The following ASAP1 variants were observed in gnomAD, a reference collection of about 807,000 sequenced individuals.
The protein encoded by ASAP1 is arf-GAP with SH3 domain, ANK repeat and PH domain-containing protein 1.
Under a neutral mutation model 145.2 loss-of-function variants are expected in ASAP1, and 43 were observed. That is an observed-to-expected ratio of 0.30 (90% CI 0.23 to 0.38). The LOEUF is 0.38. ASAP1 is among the 10% of genes least tolerant of loss of function. The pLI is 1.00. For synonymous variants in ASAP1, 546 were observed against 515.5 expected (o/e 1.06, Z -0.80); for missense variants, 1,018 against 1,355.3 (o/e 0.75, Z 3.91).
intron 15 of ASAP1, among the ~76,000 whole-genome samples, chr8:130,133,078 C>T (rs969000103): frequency 9.2e-5 from 14 of 151,948 alleles, no homozygotes; most frequent in African/African-American, 3.4e-4. Flanking sequence ...GTATTCTGTG[C>T]CACTGATGGG....
chr8:130,215,943 G>T (rs1816879030), intron 4 of ASAP1, among the ~76,000 whole-genome samples: 2 of 140,774 alleles, frequency 1.4e-5, no homozygotes, highest in Non-Finnish European at 3.1e-5. Flanking sequence ...AGAAAGAAAG[G>T]AAAGGGGAAA....
chr8:130,054,939 C>T (rs2097400437), intron 29 of ASAP1, 134 bp from the exon 30 acceptor site: 1 of 715,254 alleles, frequency 1.4e-6, no homozygotes. Context: ...TTCTTCCCAC[C>T]CTTTAGTGAA....
chr8:130,152,103 T>C (rs1374338712), intron 13 of ASAP1, among the ~76,000 whole-genome samples: 2 of 152,236 alleles, frequency 1.3e-5, no homozygotes, highest in Non-Finnish European at 2.9e-5. Context: ...ATCTCTCTTT[T>C]CTACTATTCT....
At chr8:130,288,885 T>C (rs982014998) in intron 3 of ASAP1, among the ~76,000 whole-genome samples, 2 of 152,218 alleles carry the variant, frequency 1.3e-5, no homozygotes, top group Admixed American at 6.5e-5. Flanking sequence ...TGTATAACCA[T>C]TAAAAATTAT....
intron 9 of ASAP1, among the ~76,000 whole-genome samples, chr8:130,176,065 A>G (rs1813929503): frequency 6.6e-6 from 1 of 152,254 alleles, no homozygotes; most frequent in African/African-American, 2.4e-5. Context: ...GAAATTGAGC[A>G]GTAATTAGTG....
At chr8:130,331,940 C>T (rs975668907) in intron 3 of ASAP1, among the ~76,000 whole-genome samples, 2 of 152,210 alleles carry the variant, frequency 1.3e-5, no homozygotes, top group South Asian at 4.2e-4. Flanking sequence ...TGTGAAGTCT[C>T]GGCCCAAGGT....
intron 1 of ASAP1, among the ~76,000 whole-genome samples, chr8:130,402,644 A>G (rs10956523): frequency 0.41 from 62,200 of 151,974 alleles, 14,058 homozygotes; most frequent in African/African-American, 0.6. Flanking sequence ...TCCTAGCTCA[A>G]TGTGGCATCT....
chr8:130,167,394 G>A (rs2097682107), intron 11 of ASAP1, 142 bp downstream of exon 11: 4 of 801,802 alleles, frequency 5.0e-6, no homozygotes, highest in Non-Finnish European at 9.1e-6. Flanking sequence ...CTAAAATACA[G>A]TTTCTACATG....
At chr8:130,100,314 T>TTTTC (rs112085116) in intron 24 of ASAP1, among the ~76,000 whole-genome samples, 13,068 of 151,500 alleles carry the variant, frequency 0.086, 603 homozygotes, top group Middle Eastern at 0.095. Flanking sequence ...ATATGTCGTG[T>TTTTC]TTTCTTTCTT....
At position 130,138,773 on chromosome 8, in the gene ASAP1, T is replaced by G. The variant is rs1336123175; in HGVS notation, c.1081-1735A>C. 2.0e-5 allele frequency among the ~76,000 whole-genome samples: 3 copies of G among 148,888 alleles called. No individual in the cohort carries two copies. The East Asian group carries it at 5.9e-4, about 29-fold the overall frequency. ...ATCGCTTGAACTTGGGAGGTGGAGGTTGCACTGAGCCGAGATCTCGCCACT... is the reference window on the plus strand; with the variant it reads ...ATCGCTTGAACTTGGGAGGTGGAGGGTGCACTGAGCCGAGATCTCGCCACT... On this transcript the variant is annotated intron_variant, in intron 13 of 29. Transcript: ENST00000518721.
intron 9 of ASAP1, among the ~76,000 whole-genome samples, chr8:130,177,251 A>G (rs1042954134): frequency 6.6e-6 from 1 of 152,222 alleles, no homozygotes; most frequent in African/African-American, 2.4e-5. Context: ...ATTACTAGCG[A>G]AGGCTAATAT....
At chr8:130,184,006 A>G (rs942222797) in intron 7 of ASAP1, among the ~76,000 whole-genome samples, 2 of 152,228 alleles carry the variant, frequency 1.3e-5, no homozygotes, top group African/African-American at 4.8e-5. Context: ...CTTTATAAAC[A>G]GAAATATTAT....
At chr8:130,363,534 A>G (rs1181163170) in intron 2 of ASAP1, among the ~76,000 whole-genome samples, 1 of 152,222 alleles carries the variant, frequency 6.6e-6, no homozygotes, top group Non-Finnish European at 1.5e-5. Flanking sequence ...AACTTACCAG[A>G]GAAACCTAAG....
chr8:130,406,804 T>G (rs1355481299), intron 1 of ASAP1, among the ~76,000 whole-genome samples: 1 of 152,170 alleles, frequency 6.6e-6, no homozygotes, highest in Admixed American at 6.5e-5. Context: ...TCTTTAAAAT[T>G]GGATTTCCTG....
intron 3 of ASAP1, among the ~76,000 whole-genome samples, chr8:130,319,087 T>C (rs985881081): frequency 6.6e-6 from 1 of 152,260 alleles, no homozygotes; most frequent in Admixed American, 6.5e-5. Context: ...TTTACAATTT[T>C]CACTTCCTCT....
chr8:130,403,373 A>G (rs1828883020), intron 1 of ASAP1, among the ~76,000 whole-genome samples: 1 of 152,056 alleles, frequency 6.6e-6, no homozygotes, highest in Non-Finnish European at 1.5e-5. Context: ...TTGAAAACAC[A>G]AATTTGATTG....
chr8:130,242,857 G>A (rs1030931332), intron 3 of ASAP1, among the ~76,000 whole-genome samples: 5 of 152,092 alleles, frequency 3.3e-5, no homozygotes, highest in African/African-American at 9.7e-5. Flanking sequence ...GGCAAACCAC[G>A]CAAATGTGTG....
chr8:130,131,321 T>TA (rs1210422731), intron 15 of ASAP1, among the ~76,000 whole-genome samples: 1 of 151,766 alleles, frequency 6.6e-6, no homozygotes, highest in African/African-American at 2.4e-5. Context: ...ATATGAAAAA[T>TA]AAACTCAATG....
intron 5 of ASAP1, among the ~76,000 whole-genome samples, chr8:130,203,990 A>G (rs926533307): frequency 2.0e-5 from 3 of 152,196 alleles, no homozygotes; most frequent in African/African-American, 4.8e-5. Context: ...CAGGATGTCC[A>G]TATCTTTTGC....
Sources: allele counts gnomAD v4.1 joint callset (sites outside exome capture counted in the v4.1 genomes callset), GRCh38; gene constraint gnomAD v4.1.1; transcripts MANE v1.5; gene names NCBI Gene and HGNC (gene_info 2026-07-23, HGNC 2026-07-21).